The following NF1 variants were observed in gnomAD, a reference collection of about 807,000 sequenced individuals.
NF1 encodes neurofibromin.
A neutral mutation model predicts 325.7 loss-of-function variants in NF1; 122 were observed. The observed-to-expected ratio is 0.37, with a 90% CI of 0.32 to 0.44. NF1 has a LOEUF of 0.44. NF1 is among the 20% of genes least tolerant of loss of function. The pLI is 1.00. For synonymous variants in NF1, 1,091 were observed against 1,186.0 expected, an observed-to-expected ratio of 0.92 and a Z score of 1.65; for missense variants, 2,140 against 3,415.4, an observed-to-expected ratio of 0.63 and a Z score of 9.31.
intron 36 of NF1, among the ~76,000 whole-genome samples, chr17:31,293,762 A>T (rs2068401747): frequency 6.6e-6 from 1 of 152,168 alleles, no homozygotes; most frequent in Non-Finnish European, 1.5e-5. Flanking sequence ...TAAATACCAC[A>T]TTTGTGTCTC....
At chr17:31,210,576 ACT>A (rs1242241300) in intron 12 of NF1, among the ~76,000 whole-genome samples, 8 of 151,996 alleles carry the variant, frequency 5.3e-5, no homozygotes, top group Admixed American at 2.0e-4. Context: ...ACGGAGCGAG[ACT>A]CTGTCTCAAA....
intron 36 of NF1, 124 bp downstream of exon 36, chr17:31,265,463 G>A: frequency 1.4e-6 from 1 of 705,902 alleles, no homozygotes; most frequent in South Asian, 1.5e-5. Flanking sequence ...TTACTTGGGA[G>A]CATATAGCAG....
At chr17:31,320,392 C>T in intron 36 of NF1, 2 of 1,607,534 alleles carry the variant, frequency 1.2e-6, no homozygotes, top group Non-Finnish European at 1.7e-6. Context: ...ATAGGTAGGG[C>T]CTGAAAGTCT....
At chr17:31,229,716 G>T in intron 21 of NF1, 119 bp from the exon 22 acceptor site, 2 of 1,269,562 alleles carry the variant, frequency 1.6e-6, no homozygotes, top group Non-Finnish European at 2.3e-6. Flanking sequence ...ATGCTTATTT[G>T]GCTCTATGCC....
chr17:31,307,873 G>A, intron 36 of NF1: 5 of 1,287,872 alleles, frequency 3.9e-6, no homozygotes, highest in Non-Finnish European at 4.1e-6. Flanking sequence ...TGCAATAAAG[G>A]TTTTACAAAT....
chr17:31,247,617 A>G (rs2067418353), intron 29 of NF1, among the ~76,000 whole-genome samples: 1 of 152,226 alleles, frequency 6.6e-6, no homozygotes, highest in African/African-American at 2.4e-5. Flanking sequence ...ATTTGGCAAT[A>G]TCTAGTAAAG....
rs1002215450 is a variant in NF1, at chr17:31,201,555, T to G, written c.1260+70T>G. The G allele has an allele frequency of 1.9e-5, 21 of 1,111,352 alleles. No individual in the cohort carries two copies. The African/African-American group carries it at 3.2e-4, about 17-fold the overall frequency. 68.8% of individuals were successfully genotyped at this position (1,111,352 alleles called of 1,614,324 possible). On this transcript the variant is annotated intron_variant, in intron 11 of 57. Transcript: ENST00000358273. ...TTTCTTTTCTTTGCGTATTTCTTTT[T>G]AAGAAATGCACTCTTGGTTTTCAAA...
At chr17:31,189,947 G>A (rs555447051) in intron 8 of NF1, among the ~76,000 whole-genome samples, 1 of 151,890 alleles carries the variant, frequency 6.6e-6, no homozygotes, top group East Asian at 1.9e-4. Flanking sequence ...TTTTAGTAGA[G>A]ATGGAGTTTC....
intron 36 of NF1, among the ~76,000 whole-genome samples, chr17:31,298,108 T>C (rs1028363602): frequency 6.6e-6 from 1 of 152,188 alleles, no homozygotes; most frequent in African/African-American, 2.4e-5. Flanking sequence ...GTTTTAAGAA[T>C]AGCAGTATCA....
chr17:31,215,072 A>G (rs539485193), intron 13 of NF1, among the ~76,000 whole-genome samples: 2 of 152,278 alleles, frequency 1.3e-5, no homozygotes, highest in African/African-American at 2.4e-5. Context: ...TGGAAAAAGA[A>G]TGAGGTGAAA....
At chr17:31,098,367 A>T (rs905466820) in intron 1 of NF1, among the ~76,000 whole-genome samples, 1 of 151,480 alleles carries the variant, frequency 6.6e-6, no homozygotes, top group African/African-American at 2.4e-5. Flanking sequence ...ACTTTATTTT[A>T]TTTTTTTTAT....
intron 36 of NF1, among the ~76,000 whole-genome samples, chr17:31,268,739 T>G (rs1189730637): frequency 6.6e-6 from 1 of 152,010 alleles, no homozygotes; most frequent in Admixed American, 6.6e-5. Context: ...CACTCTGTTG[T>G]CTAGGCTGGA....
At chr17:31,356,911 A>C (rs1400139579) in intron 52 of NF1, 49 bp from the exon 53 acceptor site, 1 of 1,611,218 alleles carries the variant, frequency 6.2e-7, no homozygotes, top group Non-Finnish European at 8.5e-7. Flanking sequence ...TAGTTAGGTG[A>C]AGTGATTATC....
At chr17:31,181,604 G>A in intron 6 of NF1, 106 bp from the exon 7 acceptor site, 2 of 1,290,562 alleles carry the variant, frequency 1.5e-6, no homozygotes, top group Non-Finnish European at 2.3e-6. Flanking sequence ...TCATTTTCAG[G>A]AAGAATACAT....
At chr17:31,289,644 T>C (rs571626406) in intron 36 of NF1, among the ~76,000 whole-genome samples, 1 of 152,324 alleles carries the variant, frequency 6.6e-6, no homozygotes, top group African/African-American at 2.4e-5. Flanking sequence ...TAAAAAACTC[T>C]TCATAAATAT....
At chr17:31,266,288 T>A (rs1458881768) in intron 36 of NF1, among the ~76,000 whole-genome samples, 2 of 152,162 alleles carry the variant, frequency 1.3e-5, no homozygotes, top group Non-Finnish European at 2.9e-5. Flanking sequence ...TGAGAAATAG[T>A]AGAGAGACGG....
intron 48 of NF1, among the ~76,000 whole-genome samples, chr17:31,347,279 TA>T (rs2151570239): frequency 6.6e-6 from 1 of 151,078 alleles, no homozygotes; most frequent in South Asian, 2.1e-4. Flanking sequence ...GACCCAAACA[TA>T]TTATAAATAT....
At chr17:31,341,620 T>TGTGTATGC (rs1555535286) in intron 47 of NF1, among the ~76,000 whole-genome samples, 1 of 150,056 alleles carries the variant, frequency 6.7e-6, no homozygotes, top group Admixed American at 6.7e-5. Context: ...TGTGTGTGTG[T>TGTGTATGC]ACACACATAA....
intron 36 of NF1, among the ~76,000 whole-genome samples, chr17:31,308,321 A>AGTAGAGACAGGGTTTCACCATGTT (rs1463400351): frequency 2.0e-5 from 3 of 151,954 alleles, no homozygotes. Context: ...TTGTATTTTT[A>AGTAGAGACAGGGTTTCACCATGTT]GTAGAGACAG....
Sources: allele counts gnomAD v4.1 joint callset (sites outside exome capture counted in the v4.1 genomes callset), GRCh38; gene constraint gnomAD v4.1.1; transcripts MANE v1.5; gene names NCBI Gene and HGNC (gene_info 2026-07-23, HGNC 2026-07-21).